PROCR: variants seen among roughly 807,000 people sequenced by gnomAD.
The protein encoded by PROCR is protein C receptor.
PROCR carries 22 observed loss-of-function variants against 24.2 expected under a neutral mutation model. The observed-to-expected ratio is 0.91, with a 90% CI of 0.65 to 1.30. The LOEUF (loss-of-function observed/expected upper bound fraction) is 1.30, where lower values mean the gene tolerates loss of function less well. Ranked by LOEUF, PROCR falls within the 50% of genes most tolerant of loss-of-function variation. The pLI is 0.00. For synonymous variants in PROCR, 137 were observed against 139.2 expected (o/e 0.98, Z 0.11); for missense variants, 288 against 307.7 (o/e 0.94, Z 0.48).
chr20:35,186,441 C>T (rs1013658340), intron 1 of PROCR, among the ~76,000 whole-genome samples: 5 of 151,816 alleles, frequency 3.3e-5, no homozygotes, highest in African/African-American at 1.2e-4. Flanking sequence ...TAGCACATGC[C>T]TGTAATCCCA....
At chr20:35,176,032 T>G (rs1240316872) in intron 2 of PROCR, 136 bp from the exon 3 acceptor site, 3 of 1,011,300 alleles carry the variant, frequency 3.0e-6, no homozygotes, top group African/African-American at 1.6e-5. Flanking sequence ...CTTCTCCCCA[T>G]AGTTCCCTGA....
chr20:35,192,484 C>A (rs1472289552), intron 1 of PROCR, among the ~76,000 whole-genome samples: 1 of 151,592 alleles, frequency 6.6e-6, no homozygotes, highest in African/African-American at 2.4e-5. Flanking sequence ...TTGTGCTTAT[C>A]TGGGAGGGAA....
intron 2 of PROCR, among the ~76,000 whole-genome samples, chr20:35,175,578 CT>C (rs869059685): frequency 1.4e-4 from 4 of 27,944 alleles, no homozygotes; most frequent in Admixed American, 4.1e-4. Context: ...CCCCACCCCC[CT>C]TTTTTTTTTT....
chr20:35,197,569 A>G (rs919502463), intron 1 of PROCR, among the ~76,000 whole-genome samples: 2 of 152,152 alleles, frequency 1.3e-5, no homozygotes, highest in African/African-American at 2.4e-5. Flanking sequence ...CATGCCTGTA[A>G]TCCCAGCACT....
At chr20:35,187,392 G>A (rs2086137593) in intron 1 of PROCR, among the ~76,000 whole-genome samples, 1 of 152,166 alleles carries the variant, frequency 6.6e-6, no homozygotes, top group Non-Finnish European at 1.5e-5. Flanking sequence ...GTGAAATAAT[G>A]TTGGGTAGCT....
In PROCR at chr20:35,174,890, C is replaced by G. The variant is rs1271360023; in HGVS notation, c.259C>G (p.Gln87Glu). ...ESWARTQSGL[Q>E]SYLLQFHGLV... Reference sequence around the variant, plus strand: ...CTGGGCGCGCACGCAGAGTGGCCTGCAGTCCTACCTGCTCCAGTTCCACGG... The same window carrying G: ...CTGGGCGCGCACGCAGAGTGGCCTGGAGTCCTACCTGCTCCAGTTCCACGG... The change falls in exon 2 of 4, where the codon CAG (glutamine) becomes GAG (glutamate). Residue 87 changes from glutamine (Q) to glutamate (E), a missense_variant. By Grantham distance (29) the Gln-to-Glu change is conservative. Coordinates refer to ENST00000216968, the MANE Select transcript of PROCR (RefSeq NM_006404.5). 6.2e-7 allele frequency: 1 copy of G among 1,611,184 alleles called. No individual in the cohort carries two copies. The highest frequency in any genetic ancestry group is 8.5e-7 in the Non-Finnish European group (1 of 1,178,966).
intron 1 of PROCR, among the ~76,000 whole-genome samples, chr20:35,196,939 G>T (rs1186577282): frequency 2.0e-5 from 3 of 152,150 alleles, no homozygotes; most frequent in Non-Finnish European, 2.9e-5. Context: ...ACAACAGGGG[G>T]AAGGTAAAGG....
At chr20:35,203,927 T>C (rs961060440) in intron 1 of PROCR, among the ~76,000 whole-genome samples, 1 of 150,692 alleles carries the variant, frequency 6.6e-6, no homozygotes, top group African/African-American at 2.4e-5. Flanking sequence ...AAAAAGAAAT[T>C]AGAAAAGCAG....
rs896629674 is a variant in PROCR, at chr20:35,176,685, G to A, written c.602-13G>A. 12 of 1,601,088 alleles carry A rather than the reference G, an allele frequency of 7.5e-6. No individual in the cohort carries two copies. The highest frequency in any genetic ancestry group is 1.0e-5 in the Non-Finnish European group (12 of 1,173,474). On this transcript the variant is annotated splice_polypyrimidine_tract_variant and intron_variant, in intron 3 of 3. Coordinates refer to ENST00000216968, the MANE Select transcript of PROCR (RefSeq NM_006404.5). ...GGCCTATTCTTCGGGCTAACTCTTT[G>A]CATGTTCTGCAGGGAGCCAAACAAG...
intron 1 of PROCR, among the ~76,000 whole-genome samples, chr20:35,189,259 G>A (rs1238915376): frequency 1.9e-5 from 2 of 103,130 alleles, no homozygotes; most frequent in African/African-American, 1.2e-4. Flanking sequence ...GGAAAAGAAC[G>A]CATTCCGGGG....
chr20:35,191,384 T>C (rs553709859), intron 1 of PROCR, among the ~76,000 whole-genome samples: 11 of 152,268 alleles, frequency 7.2e-5, no homozygotes, highest in South Asian at 4.1e-4. Flanking sequence ...GACGTGGGAA[T>C]AGAGCAATAT....
intron 1 of PROCR, among the ~76,000 whole-genome samples, chr20:35,209,907 C>T (rs2060355568): frequency 6.6e-6 from 1 of 152,194 alleles, no homozygotes; most frequent in Non-Finnish European, 1.5e-5. Flanking sequence ...TAGTCTTTTG[C>T]TCACATACCA....
At chr20:35,207,812 G>A (rs2060347993) in intron 1 of PROCR, among the ~76,000 whole-genome samples, 2 of 152,090 alleles carry the variant, frequency 1.3e-5, no homozygotes, top group Admixed American at 1.3e-4. Context: ...TTACAGGTGT[G>A]AGCCACCACG....
At chr20:35,185,423 G>C (rs2086116212) in intron 1 of PROCR, among the ~76,000 whole-genome samples, 1 of 152,194 alleles carries the variant, frequency 6.6e-6, no homozygotes, top group African/African-American at 2.4e-5. Context: ...ATTCAAAAAA[G>C]ATACTTGCAC....
intron 1 of PROCR, 63 bp downstream of exon 1, chr20:35,172,287 C>G: frequency 1.3e-6 from 2 of 1,554,772 alleles, no homozygotes; most frequent in Non-Finnish European, 1.8e-6. Flanking sequence ...TATCTGGGCA[C>G]ATGGCAAGAC....
intron 1 of PROCR, among the ~76,000 whole-genome samples, chr20:35,184,331 C>G (rs574704305): frequency 6.6e-6 from 1 of 152,246 alleles, no homozygotes; most frequent in East Asian, 1.9e-4. Context: ...ACAAATGGTG[C>G]TGGGATAATT....
intron 1 of PROCR, among the ~76,000 whole-genome samples, chr20:35,208,921 G>A (rs958176466): frequency 1.8e-4 from 28 of 151,390 alleles, no homozygotes; most frequent in Admixed American, 6.6e-5. Context: ...GTAGTGAGCC[G>A]AGATCACACC....
At chr20:35,191,023 C>A (rs1481392289) in intron 1 of PROCR, among the ~76,000 whole-genome samples, 2 of 152,042 alleles carry the variant, frequency 1.3e-5, no homozygotes, top group Admixed American at 1.3e-4. Flanking sequence ...CCAGGCCCAG[C>A]TAATTTTCAT....
In PROCR at chr20:35,176,973, G is replaced by A; in HGVS notation, c.*160G>A. ...CTGCCCACTGAAGATTTGAGGGAGGGGAGATGGAGAGGAGAGGTGGACAAA... is the reference window on the plus strand; with the variant it reads ...CTGCCCACTGAAGATTTGAGGGAGGAGAGATGGAGAGGAGAGGTGGACAAA... On this transcript the variant is annotated 3_prime_UTR_variant, in exon 4 of 4. Coordinates refer to ENST00000216968, the MANE Select transcript of PROCR (RefSeq NM_006404.5). 6.7e-7 allele frequency: 1 copy of A among 1,492,584 alleles called. No homozygotes were observed. The highest frequency in any genetic ancestry group is 8.9e-7 in the Non-Finnish European group (1 of 1,120,294). The allele number at this position is 1,492,584 out of a possible 1,614,324, so 92.5% of individuals were successfully genotyped here. A position where few individuals can be genotyped will look rare whatever the true frequency, so the allele number is the denominator to read the frequency against.
Sources: allele counts gnomAD v4.1 joint callset (sites outside exome capture counted in the v4.1 genomes callset), GRCh38; gene constraint gnomAD v4.1.1; transcripts MANE v1.5; gene names NCBI Gene and HGNC (gene_info 2026-07-23, HGNC 2026-07-21).